DNAH5: variants seen among roughly 807,000 people sequenced by gnomAD.
DNAH5 encodes the protein dynein axonemal heavy chain 5, also known as axonemal beta dynein heavy chain 5.
DNAH5 carries 372 observed loss-of-function variants against 518.2 expected under a neutral mutation model. That is an observed-to-expected ratio of 0.72 (90% CI 0.66 to 0.78). The LOEUF (loss-of-function observed/expected upper bound fraction) is 0.78, where lower values mean the gene tolerates loss of function less well. DNAH5 is among the 30% of genes least tolerant of loss of function. DNAH5 has a pLI of 0.00. For synonymous variants in DNAH5, 2,039 were observed against 2,025.9 expected (o/e 1.01, Z -0.17); for missense variants, 5,523 against 5,687.0 (o/e 0.97, Z 0.93).
intron 1 of DNAH5, 41 bp downstream of exon 1, chr5:13,944,341 T>C (rs1365808333): frequency 6.2e-7 from 1 of 1,601,226 alleles, no homozygotes. Flanking sequence ...CAGATGATAA[T>C]CCAAAACACA....
chr5:14,001,141 G>A (rs1220926542), intron 1 of DNAH5, among the ~76,000 whole-genome samples: 5 of 152,120 alleles, frequency 3.3e-5, no homozygotes, highest in Admixed American at 2.0e-4. Flanking sequence ...AGGACTACTC[G>A]AGGGGAGAGA....
chr5:13,865,089 G>A (rs997060256), intron 27 of DNAH5, among the ~76,000 whole-genome samples: 1 of 150,230 alleles, frequency 6.7e-6, no homozygotes, highest in African/African-American at 2.5e-5. Context: ...CCACCTCCTG[G>A]GTTCAAGCGA....
intron 52 of DNAH5, among the ~76,000 whole-genome samples, chr5:13,784,870 C>A (rs1414072013): frequency 6.6e-6 from 1 of 152,074 alleles, no homozygotes; most frequent in East Asian, 1.9e-4. Flanking sequence ...TACTTCCAAC[C>A]TTTGAGGATC....
chr5:13,724,691 A>T (rs1324966543), intron 70 of DNAH5, among the ~76,000 whole-genome samples: 4 of 152,214 alleles, frequency 2.6e-5, no homozygotes, highest in Non-Finnish European at 5.9e-5. Context: ...TGAGTCCCTC[A>T]TGAATGGCTT....
At chr5:14,010,329 A>T (rs553888460) in intron 1 of DNAH5, among the ~76,000 whole-genome samples, 24 of 152,324 alleles carry the variant, frequency 1.6e-4, no homozygotes, top group African/African-American at 5.8e-4. Context: ...CCAAGAGAAA[A>T]TTAGAGGCAA....
intron 21 of DNAH5, among the ~76,000 whole-genome samples, chr5:13,878,192 T>C (rs1018850416): frequency 6.6e-6 from 1 of 152,178 alleles, no homozygotes; most frequent in Non-Finnish European, 1.5e-5. Flanking sequence ...GTTAATGCTA[T>C]GCACTGAGTG....
At chr5:13,824,809 T>C (rs1762686137) in intron 38 of DNAH5, among the ~76,000 whole-genome samples, 1 of 152,150 alleles carries the variant, frequency 6.6e-6, no homozygotes, top group South Asian at 2.1e-4. Context: ...GCACCTGCGC[T>C]TCAGGATTAC....
At chr5:13,822,807 C>T (rs535259526) in intron 40 of DNAH5, among the ~76,000 whole-genome samples, 2 of 152,108 alleles carry the variant, frequency 1.3e-5, no homozygotes, top group African/African-American at 4.8e-5. Context: ...CCACCGTATC[C>T]CACCCCCAGA....
At chr5:13,711,216 C>T (rs144425584) in intron 75 of DNAH5, among the ~76,000 whole-genome samples, 18 of 152,234 alleles carry the variant, frequency 1.2e-4, no homozygotes, top group African/African-American at 3.1e-4. Context: ...GTTTAACATA[C>T]GCAAGTCAAT....
At chr5:13,814,304 A>G (rs1030898474) in intron 43 of DNAH5, among the ~76,000 whole-genome samples, 1 of 152,230 alleles carries the variant, frequency 6.6e-6, no homozygotes, top group African/African-American at 2.4e-5. Flanking sequence ...GATCAAATTA[A>G]ATTTTACTTA....
chr5:13,939,071 G>A (rs1016127509), intron 1 of DNAH5, among the ~76,000 whole-genome samples: 1 of 152,120 alleles, frequency 6.6e-6, no homozygotes, highest in Admixed American at 6.5e-5. Context: ...GTAAAACAAA[G>A]TAAATAACAA....
intron 24 of DNAH5, 141 bp from the exon 25 acceptor site, chr5:13,868,133 C>A: frequency 1.4e-6 from 1 of 738,132 alleles, no homozygotes; most frequent in East Asian, 2.7e-5. Context: ...TACTTCAAAC[C>A]GCAAGAGGTT....
chr5:13,786,722 A>G (rs1178652777), intron 51 of DNAH5, among the ~76,000 whole-genome samples: 1 of 152,224 alleles, frequency 6.6e-6, no homozygotes, highest in Non-Finnish European at 1.5e-5. Flanking sequence ...ACTGTTTGAT[A>G]AGAATAAAAA....
chr5:13,900,138 C>A (rs1431725704), intron 15 of DNAH5, 68 bp downstream of exon 15: 2 of 1,367,986 alleles, frequency 1.5e-6, no homozygotes, highest in Non-Finnish European at 2.1e-6. Flanking sequence ...TATGACACAT[C>A]ACCATATTTT....
intron 3 of DNAH5, among the ~76,000 whole-genome samples, chr5:13,924,501 C>A (rs548095954): frequency 2.0e-5 from 3 of 151,752 alleles, no homozygotes; most frequent in Non-Finnish European, 4.4e-5. Context: ...CATGGAGAAA[C>A]CCCGTCTCTA....
chr5:13,982,188 A>G (rs1037698605), intron 1 of DNAH5, among the ~76,000 whole-genome samples: 4 of 152,270 alleles, frequency 2.6e-5, no homozygotes, highest in African/African-American at 9.6e-5. Flanking sequence ...TCGTATGACA[A>G]TAAACTTTCA....
intron 38 of DNAH5, among the ~76,000 whole-genome samples, chr5:13,826,894 G>A (rs935597656): frequency 6.6e-6 from 1 of 152,170 alleles, no homozygotes; most frequent in Non-Finnish European, 1.5e-5. Context: ...GACTTAGAGG[G>A]CTCAGAAGAC....
intron 65 of DNAH5, among the ~76,000 whole-genome samples, chr5:13,746,890 A>G (rs1006310508): frequency 6.6e-6 from 1 of 151,846 alleles, no homozygotes; most frequent in Non-Finnish European, 1.5e-5. Flanking sequence ...TTTTTTTTTA[A>G]TATATATTTT....
intron 2 of DNAH5, 89 bp downstream of exon 2, chr5:13,931,021 G>C: frequency 6.3e-7 from 1 of 1,598,030 alleles, no homozygotes. Context: ...CTCCCTCTGG[G>C]CACAGCATGG....
Sources: gnomAD v4.1 joint callset for allele counts (sites outside exome capture counted in the v4.1 genomes callset) on GRCh38, gnomAD v4.1.1 for gene constraint, MANE v1.5 for transcripts, NCBI Gene and HGNC (gene_info 2026-07-23, HGNC 2026-07-21) for gene names.